Variants in ERGIC1 observed in about 807,000 individuals in gnomAD.
ERGIC1 encodes the protein endoplasmic reticulum-golgi intermediate compartment 1.
Under a neutral mutation model 38.3 loss-of-function variants are expected in ERGIC1, and 19 were observed. The observed-to-expected ratio is 0.50, with a 90% CI of 0.35 to 0.73. The LOEUF is 0.73. ERGIC1 is among the 30% of genes least tolerant of loss of function. The pLI is 0.01. For synonymous variants in ERGIC1, 124 were observed against 157.6 expected, an observed-to-expected ratio of 0.79 and a Z score of 1.60; for missense variants, 294 against 389.2, an observed-to-expected ratio of 0.76 and a Z score of 2.06.
At chr5:172,943,319 G>GC (rs1396157864) in intron 9 of ERGIC1, among the ~76,000 whole-genome samples, 1 of 151,880 alleles carries the variant, frequency 6.6e-6, no homozygotes, top group Non-Finnish European at 1.5e-5. Flanking sequence ...GCTCTGGAAG[G>GC]CCTGATACCA....
chr5:172,906,135 G>C, intron 3 of ERGIC1: 1 of 456,206 alleles, frequency 2.2e-6, no homozygotes, highest in Non-Finnish European at 4.4e-6. Flanking sequence ...CTTTGCTCTT[G>C]GTGGCCTCTG....
chr5:172,915,898 T>A (rs1179240711), intron 5 of ERGIC1: 1 of 289,284 alleles, frequency 3.5e-6, no homozygotes, highest in Non-Finnish European at 7.0e-6. Context: ...ACTGGCCACA[T>A]CCAGCCCAAA....
chr5:172,867,338 A>G (rs1761892703), intron 1 of ERGIC1: 1 of 425,728 alleles, frequency 2.3e-6, no homozygotes, highest in Non-Finnish European at 4.8e-6. Context: ...GCCAAGGACG[A>G]TTCATAGGAG....
intron 1 of ERGIC1, among the ~76,000 whole-genome samples, chr5:172,879,356 C>T (rs546492851): frequency 6.6e-6 from 1 of 152,300 alleles, no homozygotes; most frequent in East Asian, 1.9e-4. Flanking sequence ...AAGTGGGTTT[C>T]TGTTAAGGAA....
intron 5 of ERGIC1, 179 bp downstream of exon 5, chr5:172,915,017 C>T: frequency 1.0e-6 from 1 of 987,754 alleles, no homozygotes; most frequent in Admixed American, 2.0e-5. Context: ...GGGGTCCAGG[C>T]TCCCTGGGGT....
chr5:172,870,092 T>A (rs993583899), intron 1 of ERGIC1, among the ~76,000 whole-genome samples: 2 of 152,232 alleles, frequency 1.3e-5, no homozygotes, highest in African/African-American at 4.8e-5. Context: ...TTCATTCTAC[T>A]GACTATTCTG....
intron 2 of ERGIC1, among the ~76,000 whole-genome samples, chr5:172,889,136 T>C (rs181850919): frequency 3.9e-5 from 6 of 151,980 alleles, no homozygotes; most frequent in Non-Finnish European, 5.9e-5. Flanking sequence ...AATACAAAAT[T>C]AGCCAGGCAT....
At chr5:172,900,785 C>T (rs1238942496) in intron 3 of ERGIC1, among the ~76,000 whole-genome samples, 3 of 151,846 alleles carry the variant, frequency 2.0e-5, no homozygotes, top group East Asian at 3.9e-4. Flanking sequence ...GCTAAGTCAG[C>T]GGCTGGAGAG....
intron 5 of ERGIC1, chr5:172,922,087 G>T (rs546666484): frequency 6.6e-6 from 1 of 152,330 alleles, no homozygotes; most frequent in Admixed American, 6.5e-5. Flanking sequence ...CATCTCCCCA[G>T]TTCCGGCATC....
At chr5:172,947,044 C>T (rs1443924337) in intron 9 of ERGIC1, among the ~76,000 whole-genome samples, 1 of 151,910 alleles carries the variant, frequency 6.6e-6, no homozygotes, top group African/African-American at 2.4e-5. Flanking sequence ...ATTAGCTGGG[C>T]ATGGTGGTGG....
intron 8 of ERGIC1, 24 bp downstream of exon 8, chr5:172,932,560 A>C: frequency 6.2e-7 from 1 of 1,609,894 alleles, no homozygotes. Flanking sequence ...GGCTGGGCCG[A>C]GCTGTGTGCG....
chr5:172,924,806 A>G (rs1246857685), intron 6 of ERGIC1, among the ~76,000 whole-genome samples: 3 of 152,126 alleles, frequency 2.0e-5, no homozygotes, highest in Non-Finnish European at 4.4e-5. Context: ...CCATCCATTC[A>G]TTTTCTGTCC....
chr5:172,907,133 C>T (rs936333365), intron 3 of ERGIC1, among the ~76,000 whole-genome samples: 2 of 152,234 alleles, frequency 1.3e-5, no homozygotes, highest in Non-Finnish European at 1.5e-5. Flanking sequence ...CATCCCACCC[C>T]ATCCAAGGCG....
In ERGIC1 at chr5:172,950,851, C is replaced by G; in HGVS notation, c.*35C>G. On this transcript the variant is annotated 3_prime_UTR_variant, in exon 10 of 10. Coordinates refer to ENST00000393784, the MANE Select transcript of ERGIC1 (RefSeq NM_001031711.3). ...CAGCCTAATGGCCGAGGACCCTGGG[C>G]ATCGCCAGCCTTGCCTCCAGTGCCC... The G allele has an allele frequency of 6.4e-7, 1 of 1,568,976 alleles. No homozygotes were observed. Among genetic ancestry groups the G allele is most frequent in the Non-Finnish European group, 8.7e-7 (1 of 1,147,654 alleles).
Position 172,863,372 on chromosome 5 carries a change from T to G in ERGIC1, c.21-25327T>G, listed in dbSNP as rs936774653. Among the ~76,000 whole-genome samples the G allele has an allele frequency of 2.0e-5, 3 of 152,250 alleles. No individual in the cohort carries two copies. The East Asian group carries it at 5.8e-4, about 29-fold the overall frequency. ...AGAAAAGTGGAAAAATAATCACTTC[T>G]TCTGTGGGTGATTTGTGTTATTTGC... On this transcript the variant is annotated intron_variant, in intron 1 of 9. Transcript: ENST00000393784.
chr5:172,890,543 A>G (rs981460599), intron 2 of ERGIC1, among the ~76,000 whole-genome samples: 1 of 152,244 alleles, frequency 6.6e-6, no homozygotes, highest in African/African-American at 2.4e-5. Context: ...AACTGTCTGT[A>G]CTACCTTTGC....
At chr5:172,888,520 T>A (rs886683664) in intron 1 of ERGIC1, among the ~76,000 whole-genome samples, 179 bp from the exon 2 acceptor site, 1 of 151,566 alleles carries the variant, frequency 6.6e-6, no homozygotes, top group Non-Finnish European at 1.5e-5. Context: ...AAGGGTGTTG[T>A]GGGGAGCAGG....
intron 7 of ERGIC1, among the ~76,000 whole-genome samples, chr5:172,929,471 C>T (rs1763728822): frequency 6.6e-6 from 1 of 152,138 alleles, no homozygotes; most frequent in Non-Finnish European, 1.5e-5. Context: ...ACAAGGAATC[C>T]ACATGGGTGT....
At chr5:172,854,746 ACTTG>A (rs1227457460) in intron 1 of ERGIC1, among the ~76,000 whole-genome samples, 6 of 152,262 alleles carry the variant, frequency 3.9e-5, no homozygotes, top group African/African-American at 1.4e-4. Flanking sequence ...CAGTGATCTT[ACTTG>A]TTTTGACAAA....
Sources: gnomAD v4.1 joint callset for allele counts (sites outside exome capture counted in the v4.1 genomes callset) on GRCh38, gnomAD v4.1.1 for gene constraint, MANE v1.5 for transcripts, NCBI Gene and HGNC (gene_info 2026-07-23, HGNC 2026-07-21) for gene names.